RNF145: variants seen among roughly 807,000 people sequenced by gnomAD.
The protein encoded by RNF145 is ring finger protein 145.
RNF145 carries 12 observed loss-of-function variants against 57.3 expected under a neutral mutation model. That is an observed-to-expected ratio of 0.21 (90% CI 0.13 to 0.34). The LOEUF (loss-of-function observed/expected upper bound fraction) is 0.34, where lower values mean the gene tolerates loss of function less well. Ranked by LOEUF, RNF145 falls within the 10% of genes least tolerant of loss-of-function variation. RNF145 has a pLI of 1.00. For missense variants in RNF145, 429 were observed against 799.0 expected, an observed-to-expected ratio of 0.54 and a Z score of 5.58; for synonymous variants, 262 against 288.3, an observed-to-expected ratio of 0.91 and a Z score of 0.92.
At chr5:159,184,562 G>A (rs554946494) in intron 3 of RNF145, among the ~76,000 whole-genome samples, 6 of 152,106 alleles carry the variant, frequency 3.9e-5, no homozygotes, top group South Asian at 2.1e-4. Flanking sequence ...GGATTTTAAC[G>A]TCTTTTTTAT....
At position 159,209,496 on chromosome 5, in the gene RNF145, C is replaced by CG. The variant is rs1786028842; in HGVS notation, c.-306dup. The CG allele has an allele frequency of 5.4e-6, 5 of 925,378 alleles. No individual in the cohort carries two copies. Among genetic ancestry groups the CG allele is most frequent in the Admixed American group, 9.9e-5 (1 of 10,144 alleles). The allele number at this position is 925,378 out of a possible 1,614,324, so 57.3% of individuals were successfully genotyped here. ...GCGGGCCGAGCCCCTTAGCAGCCGG[C>CG]GCCGGCGTCGGCGGCCATGGCCTCC... is the stretch of plus-strand genomic sequence containing the variant. On this transcript the variant is annotated 5_prime_UTR_variant, in exon 1 of 11. It removes the in-frame stop codon of an upstream open reading frame in the 5' UTR. Transcript: ENST00000424310.
In RNF145 at chr5:159,162,850, T is replaced by C. The variant is rs10515774; in HGVS notation, c.1269+82A>G. On this transcript the variant is annotated intron_variant, in intron 9 of 10. Transcript: ENST00000424310. ...TGAATAGTCCACTTATAATCATTCA[T>C]CTTGAAAAAATTTAATTCCTCCTCT... 0.077 allele frequency: 83,268 copies of C among 1,086,618 alleles called. 3,352 individuals carry two copies. Among genetic ancestry groups the C allele is most frequent in the Middle Eastern group, 0.096 (315 of 3,274 alleles). 67.3% of individuals were successfully genotyped at this position (1,086,618 alleles called of 1,614,324 possible).
At chr5:159,170,820 G>A (rs1784525336) in intron 6 of RNF145, among the ~76,000 whole-genome samples, 1 of 152,150 alleles carries the variant, frequency 6.6e-6, no homozygotes, top group African/African-American at 2.4e-5. Context: ...AAAACTTTCT[G>A]CCTCAAGCGA....
At position 159,189,175 on chromosome 5, in the gene RNF145, A is replaced by G. The variant is rs537468760; in HGVS notation, c.293+5541T>C. 1.6e-3 allele frequency among the ~76,000 whole-genome samples: 242 copies of G among 152,342 alleles called. 1 individual carries two copies. Among genetic ancestry groups the G allele is most frequent in the African/African-American group, 5.5e-3 (228 of 41,562 alleles). ...TATATATTTGCAAATCATAGATCTG[A>G]TAAGGGACTTGTATATATTTGCAAA... On this transcript the variant is annotated intron_variant, in intron 3 of 10. Coordinates refer to ENST00000424310, the MANE Select transcript of RNF145 (RefSeq NM_001199383.2).
intron 1 of RNF145, chr5:159,208,128 C>A (rs1348844318): frequency 7.0e-7 from 1 of 1,433,344 alleles, no homozygotes; most frequent in Non-Finnish European, 9.1e-7. Flanking sequence ...CGCACCTCCT[C>A]CCACAACGCC....
At chr5:159,185,048 C>T (rs1385213627) in intron 3 of RNF145, among the ~76,000 whole-genome samples, 1 of 152,160 alleles carries the variant, frequency 6.6e-6, no homozygotes, top group Non-Finnish European at 1.5e-5. Flanking sequence ...GTACTGCCCC[C>T]CACATTCCTG....
chr5:159,208,726 CAA>C (rs1182362228), intron 1 of RNF145, among the ~76,000 whole-genome samples: 4 of 150,996 alleles, frequency 2.6e-5, no homozygotes, highest in Non-Finnish European at 4.4e-5. Flanking sequence ...GCAAAGTGAA[CAA>C]AGAGGCAAAA....
chr5:159,202,559 T>G (rs951992523), intron 2 of RNF145, among the ~76,000 whole-genome samples: 1 of 148,910 alleles, frequency 6.7e-6, no homozygotes, highest in African/African-American at 2.6e-5. Flanking sequence ...GGCTAAGTTT[T>G]AGAACCCAGA....
At chr5:159,176,461 C>T (rs558741729) in intron 5 of RNF145, among the ~76,000 whole-genome samples, 171 bp downstream of exon 5, 95 of 152,182 alleles carry the variant, frequency 6.2e-4, no homozygotes, top group African/African-American at 2.2e-3. Flanking sequence ...CTCAATAGAA[C>T]ATAATCAAGA....
intron 1 of RNF145, chr5:159,207,817 C>CA (rs1785951078): frequency 6.2e-7 from 1 of 1,614,058 alleles, no homozygotes; most frequent in Non-Finnish European, 8.5e-7. Context: ...ACCGCAAAGA[C>CA]AGGGAGTCTA....
rs867196194 is a variant in RNF145, at chr5:159,157,950, A to G, written c.*720T>C. The G allele has an allele frequency of 6.5e-6, 1 of 152,842 alleles. No homozygotes were observed. Among genetic ancestry groups the G allele is most frequent in the Non-Finnish European group, 1.5e-5 (1 of 68,074 alleles). 9.5% of individuals were successfully genotyped at this position (152,842 alleles called of 1,614,324 possible). ...TCACACAGCCAGCGAAGTATACAACATATTTAACAAAAGTTTCATATACAT... is the reference window on the plus strand; with the variant it reads ...TCACACAGCCAGCGAAGTATACAACGTATTTAACAAAAGTTTCATATACAT... On this transcript the variant is annotated 3_prime_UTR_variant, in exon 11 of 11. Transcript: ENST00000424310.
At chr5:159,170,824 C>T (rs1313860496) in intron 6 of RNF145, among the ~76,000 whole-genome samples, 2 of 152,222 alleles carry the variant, frequency 1.3e-5, no homozygotes, top group Middle Eastern at 6.3e-3. Context: ...CTTTCTGCCT[C>T]AAGCGATCCT....
chr5:159,176,994 A>C lies in RNF145; in HGVS notation c.386-127T>G, dbSNP rs1207419012. On this transcript the variant is annotated intron_variant, in intron 4 of 10. Coordinates refer to ENST00000424310, the MANE Select transcript of RNF145 (RefSeq NM_001199383.2). The stretch of plus-strand genomic sequence containing the variant: ...AAGAAGTCTAACTAAAATCTCGTAG[A>C]TAATATTTTAAATCAAACTTAAACT... The C allele has an allele frequency of 6.8e-6, 4 of 591,506 alleles. No homozygotes were observed. The East Asian group carries it at 8.6e-5, about 13-fold the overall frequency. 36.6% of individuals were successfully genotyped at this position (591,506 alleles called of 1,614,324 possible).
chr5:159,188,528 T>C (rs1032532901), intron 3 of RNF145, among the ~76,000 whole-genome samples: 4 of 152,224 alleles, frequency 2.6e-5, no homozygotes, highest in Non-Finnish European at 5.9e-5. Flanking sequence ...TTTTTCTTTT[T>C]TCCCCCTTAG....
intron 3 of RNF145, among the ~76,000 whole-genome samples, chr5:159,183,787 T>C (rs889086311): frequency 6.6e-6 from 1 of 152,058 alleles, no homozygotes; most frequent in Admixed American, 6.6e-5. Flanking sequence ...GAAAAATCCA[T>C]ACAGACAAAA....
At chr5:159,207,745 T>C in intron 1 of RNF145, 1 of 1,614,138 alleles carries the variant, frequency 6.2e-7, no homozygotes, top group African/African-American at 1.3e-5. Context: ...CTAGCTAACT[T>C]TGTATGTACC....
intron 5 of RNF145, among the ~76,000 whole-genome samples, chr5:159,174,361 C>T (rs1219817691): frequency 6.6e-6 from 1 of 152,132 alleles, no homozygotes; most frequent in East Asian, 1.9e-4. Flanking sequence ...ATTATTAACA[C>T]TTGACACACA....
At chr5:159,191,906 T>C (rs1785301355) in intron 3 of RNF145, among the ~76,000 whole-genome samples, 1 of 152,176 alleles carries the variant, frequency 6.6e-6, no homozygotes, top group Non-Finnish European at 1.5e-5. Context: ...TTTCTTTACC[T>C]CTGAAACTAC....
At chr5:159,207,538 T>C in intron 1 of RNF145, 2 of 1,573,518 alleles carry the variant, frequency 1.3e-6, no homozygotes, top group Non-Finnish European at 1.7e-6. Flanking sequence ...CTAAAACTGA[T>C]CTTAAGAAAA....
Sources: gnomAD v4.1 joint callset for allele counts (sites outside exome capture counted in the v4.1 genomes callset) on GRCh38, gnomAD v4.1.1 for gene constraint, MANE v1.5 for transcripts, NCBI Gene and HGNC (gene_info 2026-07-23, HGNC 2026-07-21) for gene names.